Variants in RNF130 observed in about 807,000 individuals in gnomAD.
RNF130 encodes ring finger protein 130.
In RNF130, 21 loss-of-function variants were observed where a neutral mutation model predicts 44.6. That is an observed-to-expected ratio of 0.47 (90% confidence interval 0.33 to 0.68). The LOEUF (loss-of-function observed/expected upper bound fraction) is 0.68, where lower values mean the gene tolerates loss of function less well. Ranked by LOEUF, RNF130 falls within the 30% of genes least tolerant of loss-of-function variation. RNF130 has a pLI of 0.02. For missense variants in RNF130, 479 were observed against 560.6 expected (o/e 0.85, Z 1.47); for synonymous variants, 214 against 210.4 (o/e 1.02, Z -0.15).
chr5:180,012,935 A>AAAATG, intron 3 of RNF130, 126 bp downstream of exon 3: 14 of 1,099,934 alleles, frequency 1.3e-5, no homozygotes, highest in Non-Finnish European at 1.2e-5. Context: ...CCAACATATT[A>AAAATG]AAATGACTGA....
chr5:179,972,118 G>A (rs575251219), intron 5 of RNF130, among the ~76,000 whole-genome samples: 117 of 152,208 alleles, frequency 7.7e-4, no homozygotes, highest in Non-Finnish European at 1.1e-3. Context: ...CTTGTTACTC[G>A]TAGCCTCTGT....
chr5:180,045,424 T>C (rs907644097), intron 1 of RNF130, among the ~76,000 whole-genome samples: 7 of 152,152 alleles, frequency 4.6e-5, no homozygotes, highest in Non-Finnish European at 5.9e-5. Flanking sequence ...ACCTTCTCAG[T>C]GAGTGTTACA....
At chr5:180,037,582 C>G (rs900783053) in intron 2 of RNF130, among the ~76,000 whole-genome samples, 1 of 152,304 alleles carries the variant, frequency 6.6e-6, no homozygotes, top group Admixed American at 6.5e-5. Context: ...TCAGTGTCAC[C>G]TAGAAACTTG....
At chr5:180,047,180 T>C (rs2113152944) in intron 1 of RNF130, among the ~76,000 whole-genome samples, 1 of 152,376 alleles carries the variant, frequency 6.6e-6, no homozygotes, top group African/African-American at 2.4e-5. Flanking sequence ...AATTTCTTTA[T>C]TCTTTAAATT....
intron 7 of RNF130, among the ~76,000 whole-genome samples, chr5:179,950,039 C>T (rs1313671911): frequency 6.6e-5 from 10 of 152,230 alleles, no homozygotes; most frequent in Admixed American, 6.5e-4. Flanking sequence ...TGTGCTTGAG[C>T]AAACTCTATA....
chr5:179,912,013 A>C (rs1348762658), exon 8 of RNF130: 1 of 152,200 alleles, frequency 6.6e-6, no homozygotes, highest in Non-Finnish European at 1.5e-5. Flanking sequence ...TCAAGTGCAT[A>C]GTTTCCTTTT....
At chr5:180,015,327 GT>G (rs1296815747) in intron 2 of RNF130, 2 of 533,258 alleles carry the variant, frequency 3.8e-6, no homozygotes, top group East Asian at 1.1e-4. Context: ...TGGCTATAAA[GT>G]AACTGAGACG....
chr5:179,951,389 GT>G (rs59639284), downstream of RNF130, among the ~76,000 whole-genome samples: 7 of 146,884 alleles, frequency 4.8e-5, no homozygotes, highest in South Asian at 2.1e-4. Context: ...ATAGGTTTTT[GT>G]TTTTTTTTTT....
intron 1 of RNF130, among the ~76,000 whole-genome samples, chr5:180,069,835 CAT>C (rs950617730): frequency 5.3e-5 from 8 of 152,326 alleles, no homozygotes; most frequent in South Asian, 2.1e-4. Context: ...CCTCAATACA[CAT>C]GAGTTAGTTT....
At chr5:179,925,915 G>A (rs1761701725) in intron 7 of RNF130, among the ~76,000 whole-genome samples, 1 of 152,214 alleles carries the variant, frequency 6.6e-6, no homozygotes, top group Admixed American at 6.5e-5. Flanking sequence ...AAAGGAGGCT[G>A]CATGAGGCAC....
At chr5:179,975,243 G>A (rs1463674694) in intron 5 of RNF130, among the ~76,000 whole-genome samples, 11 of 152,388 alleles carry the variant, frequency 7.2e-5, no homozygotes, top group Middle Eastern at 3.4e-3. Flanking sequence ...TGGTGAGCGC[G>A]AAGGCGCAGC....
intron 5 of RNF130, among the ~76,000 whole-genome samples, chr5:179,972,498 G>A (rs886498330): frequency 3.3e-5 from 5 of 152,168 alleles, no homozygotes; most frequent in African/African-American, 7.2e-5. Flanking sequence ...AGGCTCTGGT[G>A]CAGGAATGGG....
At chr5:180,037,895 G>C (rs766928792) in intron 2 of RNF130, among the ~76,000 whole-genome samples, 1 of 152,018 alleles carries the variant, frequency 6.6e-6, no homozygotes, top group Non-Finnish European at 1.5e-5. Flanking sequence ...CACCTCCACT[G>C]TTTGCCTTAC....
rs765368207 is a variant in RNF130, at chr5:179,963,364, G to A, written c.1244+107C>T. ...GCTAGATACGATCCCATCAGGATCC[G>A]TATGAAACTGGTAGAAAGCCAGTTC... On this transcript the variant is annotated intron_variant, in intron 8 of 8. Coordinates refer to ENST00000521389, the MANE Select transcript of RNF130 (RefSeq NM_018434.6). 102 of 778,960 alleles carry A rather than the reference G, an allele frequency of 1.3e-4. No homozygotes were observed. The African/African-American group carries it at 1.5e-3, about 11-fold the overall frequency. 48.3% of individuals were successfully genotyped at this position (778,960 alleles called of 1,614,324 possible).
At chr5:180,066,252 T>C (rs1389277220) in intron 1 of RNF130, among the ~76,000 whole-genome samples, 2 of 152,166 alleles carry the variant, frequency 1.3e-5, no homozygotes, top group East Asian at 3.9e-4. Context: ...CCAGATCTGA[T>C]GGTTTTTATC....
chr5:180,018,535 CAT>C (rs1227889374), intron 2 of RNF130, among the ~76,000 whole-genome samples: 11 of 152,258 alleles, frequency 7.2e-5, no homozygotes, highest in East Asian at 3.9e-4. Context: ...CCACCCTTGA[CAT>C]GTGGGGATTA....
At chr5:179,981,887 A>G (rs1762849042) in intron 3 of RNF130, among the ~76,000 whole-genome samples, 1 of 151,486 alleles carries the variant, frequency 6.6e-6, no homozygotes, top group African/African-American at 2.4e-5. Flanking sequence ...GATATAATTG[A>G]CTTAAAATAG....
chr5:179,971,620 C>G (rs532283716), intron 5 of RNF130, among the ~76,000 whole-genome samples: 1 of 152,316 alleles, frequency 6.6e-6, no homozygotes, highest in East Asian at 1.9e-4. Flanking sequence ...CCGCCCGCCT[C>G]GGCCTCCCAA....
intron 5 of RNF130, among the ~76,000 whole-genome samples, chr5:179,974,797 A>C (rs1762679897): frequency 6.6e-6 from 1 of 152,242 alleles, no homozygotes; most frequent in Non-Finnish European, 1.5e-5. Context: ...GCAGCCAGCC[A>C]AGAGAACGAG....
Sources: allele counts gnomAD v4.1 joint callset (sites outside exome capture counted in the v4.1 genomes callset), GRCh38; gene constraint gnomAD v4.1.1; transcripts MANE v1.5; gene names NCBI Gene and HGNC (gene_info 2026-07-23, HGNC 2026-07-21).